The following ZNF805 variants were observed in gnomAD, a reference collection of about 807,000 sequenced individuals.
ZNF805 encodes the protein zinc finger protein 805, also known as CTC-444N24.8.
In ZNF805, 7 loss-of-function variants were observed where a neutral mutation model predicts 13.6. The ratio of observed to expected loss-of-function variants is 0.51; its 90% CI spans 0.29 to 0.97. The LOEUF (loss-of-function observed/expected upper bound fraction) is 0.97, where lower values mean the gene tolerates loss of function less well. Ranked by LOEUF, ZNF805 falls within the 50% of genes least tolerant of loss-of-function variation. The probability of loss-of-function intolerance (pLI) is 0.08; values close to 1 mark genes in which losing one functional copy is unlikely to be tolerated. For synonymous variants in ZNF805, 293 were observed against 279.8 expected (o/e 1.05, Z -0.47); for missense variants, 604 against 771.0 (o/e 0.78, Z 2.57).
chr19:57,262,287 A>G lies in ZNF805; in HGVS notation c.*7584A>G, dbSNP rs1313269324. 1.2e-5 allele frequency: 2 copies of G among 167,048 alleles called. No homozygotes were observed. The highest frequency in any genetic ancestry group is 1.5e-5 in the Non-Finnish European group (1 of 68,106). 10.3% of individuals were successfully genotyped at this position (167,048 alleles called of 1,614,324 possible). ...AAACATTAAGCAAATAAAATTTTCTATAACAGAAATAAGCCATAGCTTTGA... is the reference window on the plus strand; with the variant it reads ...AAACATTAAGCAAATAAAATTTTCTGTAACAGAAATAAGCCATAGCTTTGA... On this transcript the variant is annotated 3_prime_UTR_variant, in exon 4 of 4. Coordinates refer to ENST00000414468, the MANE Select transcript of ZNF805 (RefSeq NM_001023563.4).
In ZNF805 at chr19:57,253,776, G is replaced by C. The variant is rs1173331781; in HGVS notation, c.957G>C (p.Glu319Asp). 1 of 1,614,088 alleles carries C rather than the reference G, an allele frequency of 6.2e-7. No homozygotes were observed. Among genetic ancestry groups the C allele is most frequent in the African/African-American group, 1.3e-5 (1 of 75,002 alleles). The change falls in exon 4 of 4, where the codon GAG becomes GAC. Residue 319 changes from glutamate (E) to aspartate (D), a missense_variant. Physicochemically the swap from Glu to Asp is conservative, Grantham distance 45. Transcript: ENST00000414468. This position sits in a 1 kb window ranked among gnomAD's most constrained non-coding sequence, Gnocchi z 4.4. ...GAGAAAAACCCTTTGTGTGCAAAGA[G>C]TGTGGCAAAGCCTTTCGAGATAGGC... ...HTGEKPFVCK[E>D]CGKAFRDRPG... is the part of the protein sequence containing the mutation.
chr19:57,245,739 A>C (rs969488533), intron 2 of ZNF805, among the ~76,000 whole-genome samples: 2 of 151,618 alleles, frequency 1.3e-5, no homozygotes, highest in Non-Finnish European at 2.9e-5. Context: ...AGATTGCACC[A>C]CTGCACTCCA....
chr19:57,241,885 C>T (rs1439628929), intron 1 of ZNF805, among the ~76,000 whole-genome samples: 1 of 152,144 alleles, frequency 6.6e-6, no homozygotes, highest in African/African-American at 2.4e-5. Flanking sequence ...CTAAAGTAGT[C>T]CCCTTCTCAC....
intron 2 of ZNF805, among the ~76,000 whole-genome samples, chr19:57,245,704 A>G (rs2361125): frequency 0.49 from 73,008 of 150,334 alleles, 18,465 homozygotes; most frequent in Non-Finnish European, 0.56. Flanking sequence ...GCGTGAACCC[A>G]GGAGGCGGAG....
At chr19:57,243,086 C>T (rs1285914918) in intron 1 of ZNF805, among the ~76,000 whole-genome samples, 1 of 152,068 alleles carries the variant, frequency 6.6e-6, no homozygotes, top group East Asian at 1.9e-4. Context: ...CGCAGTGGTG[C>T]GTTCCTGTAG....
At position 57,257,923 on chromosome 19, in the gene ZNF805, G is replaced by T. The variant is rs757231893; in HGVS notation, c.*3220G>T. ...GAGTTTCACCATGTTGGCCAGGCTG[G>T]TCTCGAACTCCTGACCTCAGGTGAT... is the stretch of plus-strand genomic sequence containing the variant. On this transcript the variant is annotated 3_prime_UTR_variant, in exon 4 of 4. Coordinates refer to ENST00000414468, the MANE Select transcript of ZNF805 (RefSeq NM_001023563.4). Among the ~76,000 whole-genome samples, 1 of 151,262 alleles carries T rather than the reference G, an allele frequency of 6.6e-6. No individual in the cohort carries two copies. Among genetic ancestry groups the T allele is most frequent in the Admixed American group, 6.6e-5 (1 of 15,190 alleles).
chr19:57,240,837 G>T lies in ZNF805; in HGVS notation c.-55G>T. 6.5e-7 allele frequency: 1 copy of T among 1,530,538 alleles called. No individual in the cohort carries two copies. Among genetic ancestry groups the T allele is most frequent in the South Asian group, 1.2e-5 (1 of 82,814 alleles). 94.8% of individuals were successfully genotyped at this position (1,530,538 alleles called of 1,614,324 possible). A position where few individuals can be genotyped will look rare whatever the true frequency, so the allele number is the denominator to read the frequency against. On this transcript the variant is annotated 5_prime_UTR_variant, in exon 1 of 4. Coordinates refer to ENST00000414468, the MANE Select transcript of ZNF805 (RefSeq NM_001023563.4). ...AGGGGTGGGGCTCGGCTGAGCCCGC[G>T]AGACCCGCCCTGCTCGCCGCAGCCC...
Position 57,251,470 on chromosome 19 carries a change from T to C in ZNF805, c.254-1603T>C, listed in dbSNP as rs192400089. On this transcript the variant is annotated intron_variant, in intron 3 of 3. Transcript: ENST00000414468. The stretch of plus-strand genomic sequence containing the variant: ...AAATGCCTTTTTTTCAATTAACTTC[T>C]TTGGCTTTCTCTTTTTGATTTTATT... 3.2e-3 allele frequency among the ~76,000 whole-genome samples: 495 copies of C among 152,324 alleles called. 3 individuals carry two copies. The highest frequency in any genetic ancestry group is 0.011 in the African/African-American group (472 of 41,570).
At chr19:57,246,605 G>A (rs1417083373) in intron 2 of ZNF805, among the ~76,000 whole-genome samples, 1 of 151,858 alleles carries the variant, frequency 6.6e-6, no homozygotes, top group Admixed American at 6.6e-5. Flanking sequence ...GTGAAACCCC[G>A]TCTGTACTAA....
rs903730697 is a variant in ZNF805, at chr19:57,240,671, C to T, written c.-221C>T. ...CGGCTCTAGGGAGGGGGCGGTGTTC[C>T]GTGGCCGCCTCCCTGGCGGCGCTGG... On this transcript the variant is annotated 5_prime_UTR_variant, in exon 1 of 4. Transcript: ENST00000414468. 9.4e-5 allele frequency: 49 copies of T among 519,484 alleles called. No individual in the cohort carries two copies. The highest frequency in any genetic ancestry group is 1.5e-4 in the Non-Finnish European group (44 of 291,768). The allele number at this position is 519,484 out of a possible 1,614,324, so 32.2% of individuals were successfully genotyped here. A position where few individuals can be genotyped will look rare whatever the true frequency, so the allele number is the denominator to read the frequency against.
chr19:57,251,751 A>G (rs528146458), intron 3 of ZNF805, among the ~76,000 whole-genome samples: 40 of 152,338 alleles, frequency 2.6e-4, no homozygotes, highest in African/African-American at 9.6e-4. Flanking sequence ...GCCATTTGGC[A>G]TTCAAGTCTT....
Position 57,245,591 on chromosome 19 carries a change from AAC to A in ZNF805, c.157+1545_157+1546del, listed in dbSNP as rs769757848. On this transcript the variant is annotated intron_variant, in intron 2 of 3. Transcript: ENST00000414468. ...TCAGGAGATAGAGACCATCCTGGCT[AAC>A]ACGGTGCAACCCTGTCTCTACTAAA... 1.5e-3 allele frequency among the ~76,000 whole-genome samples: 219 copies of A among 148,700 alleles called. 2 individuals are homozygous for A. The highest frequency in any genetic ancestry group is 2.0e-3 in the Non-Finnish European group (131 of 66,998).
chr19:57,244,180 C>G, intron 2 of ZNF805, 131 bp downstream of exon 2: 2 of 631,648 alleles, frequency 3.2e-6, no homozygotes, highest in Non-Finnish European at 5.1e-6. Flanking sequence ...CAGTCATTTT[C>G]TACAACACTC....
chr19:57,241,279 T>C (rs1433235776), intron 1 of ZNF805, among the ~76,000 whole-genome samples: 1 of 152,084 alleles, frequency 6.6e-6, no homozygotes, highest in Non-Finnish European at 1.5e-5. Context: ...TTCAGGAGGC[T>C]AAACGGTAAC....
In ZNF805 at chr19:57,262,579, G is replaced by T. The variant is rs552499666; in HGVS notation, c.*7876G>T. ...AAATGCCGTGTTCTTTCCCTAGCAC[G>T]TATGTCAGTTTCTCATCCACTCTTT... On this transcript the variant is annotated 3_prime_UTR_variant, in exon 4 of 4. Transcript: ENST00000414468. 6.0e-6 allele frequency: 1 copy of T among 167,030 alleles called. No homozygotes were observed. The highest frequency in any genetic ancestry group is 6.6e-5 in the Admixed American group (1 of 15,264). The allele number at this position is 167,030 out of a possible 1,614,324, so 10.3% of individuals were successfully genotyped here.
At chr19:57,248,834 C>A in intron 3 of ZNF805, 134 bp downstream of exon 3, 1 of 827,448 alleles carries the variant, frequency 1.2e-6, no homozygotes, top group Non-Finnish European at 2.0e-6. Flanking sequence ...AGCCCTTTAA[C>A]CTGTGGTTTC....
At chr19:57,246,237 G>C (rs2087617857) in intron 2 of ZNF805, among the ~76,000 whole-genome samples, 1 of 152,106 alleles carries the variant, frequency 6.6e-6, no homozygotes, top group Non-Finnish European at 1.5e-5. Context: ...GCAGTGGTTT[G>C]ATCTTGGCTC....
At position 57,253,487 on chromosome 19, in the gene ZNF805, G is replaced by T; in HGVS notation, c.668G>T (p.Arg223Met). 6.2e-7 allele frequency: 1 copy of T among 1,605,950 alleles called. No homozygotes were observed. The highest frequency in any genetic ancestry group is 1.7e-4 in the Middle Eastern group (1 of 6,058). ...AAACGCCTGCTTGCTCGGCATGAGA[G>T]GATTCACTCTGGAGTGAAGCCCTAT... ...NKKRLLARHE[R>M]IHSGVKPYEC... The change falls in exon 4 of 4, where the codon AGG becomes ATG. Residue 223 changes from arginine to methionine, a missense_variant. Coordinates refer to ENST00000414468, the MANE Select transcript of ZNF805 (RefSeq NM_001023563.4). This position sits in a 1 kb window ranked among gnomAD's most constrained non-coding sequence, Gnocchi z 4.4.
chr19:57,246,499 C>T (rs1417233469), intron 2 of ZNF805, among the ~76,000 whole-genome samples: 3 of 151,992 alleles, frequency 2.0e-5, no homozygotes, highest in Admixed American at 6.6e-5. Context: ...AAAAGCAGCC[C>T]GGGCATGGTG....
Sources: allele counts gnomAD v4.1 joint callset (sites outside exome capture counted in the v4.1 genomes callset), GRCh38; gene constraint gnomAD v4.1.1; non-coding constraint Gnocchi (gnomAD v3.1); transcripts MANE v1.5; gene names NCBI Gene and HGNC (gene_info 2026-07-23, HGNC 2026-07-21).